ASIC5: variants seen among roughly 807,000 people sequenced by gnomAD.
ASIC5 encodes the protein acid sensing ion channel subunit family member 5.
A neutral mutation model predicts 51.2 loss-of-function variants in ASIC5; 52 were observed. The observed-to-expected ratio is 1.02, with a 90% CI of 0.81 to 1.28. The LOEUF is 1.28. ASIC5 is among the 50% of genes most tolerant of loss of function. The pLI is 0.00. For synonymous variants in ASIC5, 231 were observed against 200.7 expected, an observed-to-expected ratio of 1.15 and a Z score of -1.28; for missense variants, 635 against 595.0, an observed-to-expected ratio of 1.07 and a Z score of -0.70.
chr4:155,844,479 A>G (rs1337927397), intron 4 of ASIC5, among the ~76,000 whole-genome samples: 2 of 152,108 alleles, frequency 1.3e-5, no homozygotes, highest in Non-Finnish European at 2.9e-5. Context: ...AATTCTTTTT[A>G]AAGAACTAAA....
At position 155,863,588 on chromosome 4, in the gene ASIC5, AACC is replaced by A. The variant is rs1560755670; in HGVS notation, c.204_206del (p.Val69del). The A allele has an allele frequency of 6.2e-7, 1 of 1,613,828 alleles. No homozygotes were observed. The highest frequency in any genetic ancestry group is 8.5e-7 in the Non-Finnish European group (1 of 1,179,926). ...ATGTCACAAGTGAGACTGAGCCCAG[AACC>A]ACCACCAACCAGAGCACCCTGCGAA... is the stretch of plus-strand genomic sequence containing the variant. On this transcript the variant is annotated inframe_deletion, in exon 2 of 10. Transcript: ENST00000537611.
intron 5 of ASIC5, 69 bp from the exon 6 acceptor site, chr4:155,842,423 G>A (rs1741141099): frequency 7.2e-7 from 1 of 1,389,960 alleles, no homozygotes; most frequent in Non-Finnish European, 9.8e-7. Flanking sequence ...CCATCAAGAA[G>A]CTGGTACACA....
intron 4 of ASIC5, among the ~76,000 whole-genome samples, chr4:155,847,064 T>C (rs1257718721): frequency 1.3e-5 from 2 of 152,030 alleles, no homozygotes; most frequent in Admixed American, 1.3e-4. Flanking sequence ...AAATGACTGG[T>C]TGTTTAAGAA....
chr4:155,865,925 C>A lies in ASIC5; in HGVS notation c.40+262G>T, dbSNP rs546647150. Reference sequence around the variant, plus strand: ...CCTGCAGGCCCAGGATAAATAGAAACCAAAAGAAATAAAACAAAACAAAGA... The same window carrying A: ...CCTGCAGGCCCAGGATAAATAGAAAACAAAAGAAATAAAACAAAACAAAGA... On this transcript the variant is annotated intron_variant, in intron 1 of 9. Transcript: ENST00000537611. Among the ~76,000 whole-genome samples, 118 of 152,022 alleles carry A rather than the reference C, an allele frequency of 7.8e-4. No homozygotes were observed. The Middle Eastern group carries it at 0.01, about 13-fold the overall frequency.
At chr4:155,853,289 G>A (rs1437841729) in intron 3 of ASIC5, among the ~76,000 whole-genome samples, 4 of 151,896 alleles carry the variant, frequency 2.6e-5, no homozygotes, top group Admixed American at 1.3e-4. Context: ...TCTGCTTACT[G>A]TGTGCTAAGG....
intron 2 of ASIC5, among the ~76,000 whole-genome samples, chr4:155,863,154 G>A (rs1579302579): frequency 6.6e-6 from 1 of 152,040 alleles, no homozygotes; most frequent in Non-Finnish European, 1.5e-5. Context: ...AATAGTCTGG[G>A]CAATGTAGTG....
Position 155,866,109 on chromosome 4 carries a change from A to T in ASIC5, c.40+78T>A, listed in dbSNP as rs577568075. 634 of 906,824 alleles carry T rather than the reference A, an allele frequency of 7.0e-4. 14 individuals are homozygous for T. In the South Asian group the frequency reaches 0.011, roughly 15 times the overall value. The allele number at this position is 906,824 out of a possible 1,614,324, so 56.2% of individuals were successfully genotyped here. On this transcript the variant is annotated intron_variant, in intron 1 of 9. Transcript: ENST00000537611. ...GAAATCAAATTTCCCAAATGAAGAA[A>T]AAAAATCTCTCTTTTCTTACTTCTG...
rs72956440 is a variant in ASIC5 at position 155,859,907 on chromosome 4, A to G, written c.347+3541T>C. Among the ~76,000 whole-genome samples the G allele has an allele frequency of 7.9e-3, 1,201 of 152,170 alleles. 15 individuals are homozygous for G. The highest frequency in any genetic ancestry group is 0.026 in the African/African-American group (1,074 of 41,540). ...TTTTGCTTCAGGGGAAGACTCCTTT[A>G]AAAATTAATCAAAGCTCCTAAAATC... On this transcript the variant is annotated intron_variant, in intron 2 of 9. Transcript: ENST00000537611.
intron 9 of ASIC5, among the ~76,000 whole-genome samples, chr4:155,830,935 C>T (rs1031976128): frequency 6.6e-6 from 1 of 152,214 alleles, no homozygotes; most frequent in Non-Finnish European, 1.5e-5. Flanking sequence ...TCTCCAAGAG[C>T]TTTGGCAAAT....
At chr4:155,863,881 C>T (rs1454314705) in intron 1 of ASIC5, 127 bp from the exon 2 acceptor site, 1 of 765,426 alleles carries the variant, frequency 1.3e-6, no homozygotes, top group African/African-American at 1.8e-5. Context: ...TTCATAGAAA[C>T]TAAAAATTCA....
intron 9 of ASIC5, 61 bp from the exon 10 acceptor site, chr4:155,830,107 G>T: frequency 1.6e-6 from 2 of 1,250,762 alleles, no homozygotes; most frequent in South Asian, 1.6e-5. Flanking sequence ...AATATTATTA[G>T]AAGTTAAATT....
chr4:155,840,031 T>C (rs2111234815), intron 6 of ASIC5, among the ~76,000 whole-genome samples: 1 of 152,292 alleles, frequency 6.6e-6, no homozygotes, highest in South Asian at 2.1e-4. Flanking sequence ...AAGGGATGTG[T>C]GAGAATCTAA....
chr4:155,850,175 C>T (rs1392541832), intron 4 of ASIC5, among the ~76,000 whole-genome samples: 3 of 151,840 alleles, frequency 2.0e-5, no homozygotes, highest in African/African-American at 4.8e-5. Context: ...AAACTGGGAG[C>T]TGCCTCCCAT....
intron 2 of ASIC5, among the ~76,000 whole-genome samples, chr4:155,860,258 A>G (rs1344431095): frequency 1.3e-5 from 2 of 151,826 alleles, no homozygotes; most frequent in Non-Finnish European, 2.9e-5. Context: ...GATATATAAT[A>G]CTTATGTTTG....
Position 155,831,867 on chromosome 4 carries a change from C to G in ASIC5, c.1284G>C (p.Lys428Asn). Residue 428 changes from lysine to asparagine, a missense_variant, in exon 9 of 10, where the codon AAG becomes AAC. By Grantham distance (94) the Lys-to-Asn change is moderately conservative. Coordinates refer to ENST00000537611, the MANE Select transcript of ASIC5 (RefSeq NM_017419.3). ...TCACCGCCTTTTGCTGCTGGGTTATCTTATAGTTTAGGTCACTATAGTTAA... is the reference window on the plus strand; with the variant it reads ...TCACCGCCTTTTGCTGCTGGGTTATGTTATAGTTTAGGTCACTATAGTTAA... Reference protein sequence around the residue: ...IEINYSDLNYKITQQQKAVSV... With the variant: ...IEINYSDLNYNITQQQKAVSV... 1.2e-6 allele frequency: 2 copies of G among 1,609,592 alleles called. No homozygotes were observed.
At chr4:155,846,150 CTT>C (rs1741237610) in intron 4 of ASIC5, among the ~76,000 whole-genome samples, 1 of 151,896 alleles carries the variant, frequency 6.6e-6, no homozygotes, top group Admixed American at 6.6e-5. Context: ...GTTTATGTAA[CTT>C]AAGTAAAATC....
At chr4:155,857,531 T>C (rs1212926541) in intron 2 of ASIC5, among the ~76,000 whole-genome samples, 1 of 152,140 alleles carries the variant, frequency 6.6e-6, no homozygotes, top group Non-Finnish European at 1.5e-5. Flanking sequence ...GGTAAGAGCC[T>C]AGTAGAAGAA....
chr4:155,838,495 C>T (rs924009018), intron 7 of ASIC5, among the ~76,000 whole-genome samples: 1 of 152,042 alleles, frequency 6.6e-6, no homozygotes, highest in African/African-American at 2.4e-5. Flanking sequence ...TACATGATTT[C>T]CTTTCTATTC....
At chr4:155,849,418 T>C (rs1741327965) in intron 4 of ASIC5, among the ~76,000 whole-genome samples, 1 of 152,072 alleles carries the variant, frequency 6.6e-6, no homozygotes, top group Non-Finnish European at 1.5e-5. Flanking sequence ...TTTAAAAGCC[T>C]ATGTAAAAAA....
Sources: allele counts gnomAD v4.1 joint callset (sites outside exome capture counted in the v4.1 genomes callset), GRCh38; gene constraint gnomAD v4.1.1; transcripts MANE v1.5; gene names NCBI Gene and HGNC (gene_info 2026-07-23, HGNC 2026-07-21).